TLE4: variants seen among roughly 807,000 people sequenced by gnomAD.
TLE4 encodes the protein transducin-like enhancer protein 4.
A neutral mutation model predicts 92.8 loss-of-function variants in TLE4; 8 were observed. The ratio of observed to expected loss-of-function variants is 0.09; its 90% CI spans 0.05 to 0.16. TLE4 has a LOEUF of 0.16. Ranked by LOEUF, TLE4 falls within the 10% of genes least tolerant of loss-of-function variation. The pLI is 1.00. For missense variants in TLE4, 675 were observed against 997.6 expected, an observed-to-expected ratio of 0.68 and a Z score of 4.36; for synonymous variants, 371 against 374.1, an observed-to-expected ratio of 0.99 and a Z score of 0.10.
rs557480576 is a variant in TLE4, at chr9:79,721,483, T to C, written c.1839-258T>C. 5.3e-5 allele frequency among the ~76,000 whole-genome samples: 8 copies of C among 152,334 alleles called. No individual in the cohort carries two copies. In the East Asian group the frequency reaches 5.8e-4, roughly 11 times the overall value. On this transcript the variant is annotated intron_variant, in intron 16 of 19. Transcript: ENST00000376552. Reference sequence around the variant, plus strand: ...GTTAATTTCAGAGATTTTTTTCCCATTAGTAATATCAGTCATGTTTTCATG... The same window carrying C: ...GTTAATTTCAGAGATTTTTTTCCCACTAGTAATATCAGTCATGTTTTCATG...
intron 19 of TLE4, among the ~76,000 whole-genome samples, chr9:79,724,423 G>A (rs957626745): frequency 1.3e-5 from 2 of 152,010 alleles, no homozygotes; most frequent in African/African-American, 4.8e-5. Context: ...TTTGAAATAA[G>A]GTCTTGCTTT....
intron 6 of TLE4, among the ~76,000 whole-genome samples, chr9:79,646,976 A>G (rs965085509): frequency 2.0e-5 from 3 of 152,166 alleles, no homozygotes; most frequent in African/African-American, 7.2e-5. Flanking sequence ...ATTAAGCAGT[A>G]TGCCTGTAGG....
intron 4 of TLE4, among the ~76,000 whole-genome samples, chr9:79,605,498 C>G (rs536325884): frequency 6.6e-6 from 1 of 152,022 alleles, no homozygotes; most frequent in South Asian, 2.1e-4. Flanking sequence ...TGCATGTAGG[C>G]GAATAGGCAC....
chr9:79,583,183 C>G (rs2040155245), intron 4 of TLE4, among the ~76,000 whole-genome samples: 1 of 152,110 alleles, frequency 6.6e-6, no homozygotes, highest in East Asian at 1.9e-4. Context: ...AGCATTTATG[C>G]CAGGCTGTTG....
intron 6 of TLE4, among the ~76,000 whole-genome samples, chr9:79,651,806 C>G (rs1564651965): frequency 6.6e-6 from 1 of 152,150 alleles, no homozygotes; most frequent in Non-Finnish European, 1.5e-5. Context: ...TTAACTCTCC[C>G]TGCATGCTGT....
At chr9:79,656,223 C>A (rs929349854) in intron 8 of TLE4, among the ~76,000 whole-genome samples, 1 of 152,136 alleles carries the variant, frequency 6.6e-6, no homozygotes, top group South Asian at 2.1e-4. Context: ...CTTGTTCCAT[C>A]GATCGTCCTC....
chr9:79,616,438 A>G (rs1473488835), intron 5 of TLE4, among the ~76,000 whole-genome samples: 4 of 152,180 alleles, frequency 2.6e-5, no homozygotes, highest in African/African-American at 9.6e-5. Context: ...AGTGGGATTA[A>G]CTACAGTAGC....
chr9:79,635,474 G>A (rs964017259), intron 6 of TLE4, among the ~76,000 whole-genome samples: 2 of 151,088 alleles, frequency 1.3e-5, no homozygotes, highest in Non-Finnish European at 2.9e-5. Context: ...ACCGAAGACC[G>A]CAAACATGTT....
At chr9:79,697,695 C>T (rs2068636822) in intron 8 of TLE4, among the ~76,000 whole-genome samples, 4 of 151,682 alleles carry the variant, frequency 2.6e-5, no homozygotes, top group Admixed American at 2.6e-4. Flanking sequence ...AATTTAAAAT[C>T]AATTTTATTG....
At chr9:79,594,659 T>C (rs955275237) in intron 4 of TLE4, among the ~76,000 whole-genome samples, 4 of 152,184 alleles carry the variant, frequency 2.6e-5, no homozygotes, top group African/African-American at 9.7e-5. Flanking sequence ...GGTTTTCATT[T>C]CTTTCTTCTT....
chr9:79,589,549 G>A (rs1253947022), intron 4 of TLE4, among the ~76,000 whole-genome samples: 3 of 152,046 alleles, frequency 2.0e-5, no homozygotes, highest in African/African-American at 7.3e-5. Flanking sequence ...GCGCAAGGCA[G>A]AAGACATTTT....
At chr9:79,719,040 G>C in intron 15 of TLE4, 69 bp downstream of exon 15, 2 of 1,548,920 alleles carry the variant, frequency 1.3e-6, no homozygotes, top group Non-Finnish European at 1.7e-6. Flanking sequence ...TGAGAGAACT[G>C]TATGTATGAG....
intron 4 of TLE4, among the ~76,000 whole-genome samples, chr9:79,590,482 A>C (rs948618274): frequency 6.6e-6 from 1 of 152,164 alleles, no homozygotes; most frequent in African/African-American, 2.4e-5. Flanking sequence ...TGTCAGATTT[A>C]GGAGAGGCTG....
At position 79,601,657 on chromosome 9, in the gene TLE4, G is replaced by A. The variant is rs561199292; in HGVS notation, c.253-10999G>A. 25 of 360,848 alleles carry A rather than the reference G, an allele frequency of 6.9e-5. No homozygotes were observed. In the Middle Eastern group the frequency reaches 3.0e-3, roughly 44 times the overall value. The allele number at this position is 360,848 out of a possible 1,614,324, so 22.4% of individuals were successfully genotyped here. On this transcript the variant is annotated intron_variant, in intron 4 of 19. Coordinates refer to ENST00000376552, the MANE Select transcript of TLE4 (RefSeq NM_007005.6). ...GACAGCAAACTTAATTAATGTGTGT[G>A]TTCTGACTGCTTCATGCTATTCCCC... is the stretch of plus-strand genomic sequence containing the variant.
chr9:79,632,611 C>A (rs1420321827), intron 6 of TLE4, among the ~76,000 whole-genome samples: 2 of 152,188 alleles, frequency 1.3e-5, no homozygotes, highest in Non-Finnish European at 2.9e-5. Context: ...ACATATTTAA[C>A]AGCTCAACTG....
At chr9:79,713,851 TTTGTTG>T (rs146268539) in intron 14 of TLE4, among the ~76,000 whole-genome samples, 8 of 150,270 alleles carry the variant, frequency 5.3e-5, no homozygotes, top group Admixed American at 1.3e-4. Flanking sequence ...ATTGTTGTTG[TTTGTTG>T]TTGTTGTTGT....
At chr9:79,665,872 A>C (rs1183927566) in intron 8 of TLE4, among the ~76,000 whole-genome samples, 8 of 152,150 alleles carry the variant, frequency 5.3e-5, no homozygotes. Flanking sequence ...GAGTATTTTT[A>C]AAAATTGCCA....
At chr9:79,666,548 A>G (rs1445300095) in intron 8 of TLE4, among the ~76,000 whole-genome samples, 3 of 152,052 alleles carry the variant, frequency 2.0e-5, no homozygotes, top group East Asian at 3.9e-4. Context: ...CCCTTCATCT[A>G]TTTTTAACAG....
chr9:79,717,634 T>A (rs1026187489), intron 14 of TLE4, among the ~76,000 whole-genome samples: 2 of 152,224 alleles, frequency 1.3e-5, no homozygotes, highest in African/African-American at 4.8e-5. Context: ...TGTAAATTTT[T>A]GCATTAAGGA....
Sources: allele counts gnomAD v4.1 joint callset (sites outside exome capture counted in the v4.1 genomes callset), GRCh38; gene constraint gnomAD v4.1.1; transcripts MANE v1.5; gene names NCBI Gene and HGNC (gene_info 2026-07-23, HGNC 2026-07-21).